Variants in ZDHHC21 observed in about 807,000 individuals in gnomAD.
The protein encoded by ZDHHC21 is palmitoyltransferase ZDHHC21.
In ZDHHC21, 15 loss-of-function variants were observed where a neutral mutation model predicts 34.6. The observed-to-expected ratio is 0.43, with a 90% CI of 0.29 to 0.67. ZDHHC21 has a LOEUF of 0.67. ZDHHC21 is among the 30% of genes least tolerant of loss of function. The probability of loss-of-function intolerance (pLI) is 0.14; values close to 1 mark genes in which losing one functional copy is unlikely to be tolerated. For synonymous variants in ZDHHC21, 142 were observed against 101.8 expected (o/e 1.40, Z -2.38); for missense variants, 344 against 327.7 (o/e 1.05, Z -0.38).
chr9:14,685,058 T>C (rs961603725), intron 2 of ZDHHC21, among the ~76,000 whole-genome samples: 9 of 152,062 alleles, frequency 5.9e-5, no homozygotes, highest in African/African-American at 9.7e-5. Context: ...TAATTCAAGA[T>C]GGATTAAAGA....
chr9:14,618,917 T>C lies in ZDHHC21; in HGVS notation c.*49A>G, dbSNP rs753334774. ...CATAGTTCTATTATCATAAAACCTG[T>C]AACGCATTGCCAGCATGGAGGACCC... is the stretch of plus-strand genomic sequence containing the variant. On this transcript the variant is annotated 3_prime_UTR_variant, in exon 10 of 10. Transcript: ENST00000380916. 1 of 1,523,912 alleles carries C rather than the reference T, an allele frequency of 6.6e-7. No individual in the cohort carries two copies. The highest frequency in any genetic ancestry group is 2.1e-5 in the Admixed American group (1 of 47,940). 94.4% of individuals were successfully genotyped at this position (1,523,912 alleles called of 1,614,324 possible). A position where few individuals can be genotyped will look rare whatever the true frequency, so the allele number is the denominator to read the frequency against.
At chr9:14,594,019 G>C in the ZDHHC21 span, 1 of 152,114 alleles carries the variant, frequency 6.6e-6, no homozygotes. Context: ...CAGTAATCGA[G>C]GAACCCACAG....
At chr9:14,638,925 T>C (rs1446239009) in intron 8 of ZDHHC21, among the ~76,000 whole-genome samples, 1 of 151,872 alleles carries the variant, frequency 6.6e-6, no homozygotes, top group Non-Finnish European at 1.5e-5. Context: ...ATTAGCCTAA[T>C]CACTAAGGAA....
intron 8 of ZDHHC21, among the ~76,000 whole-genome samples, chr9:14,633,141 C>T (rs1385577673): frequency 6.6e-6 from 1 of 152,182 alleles, no homozygotes. Context: ...ACAACTGGTA[C>T]TCACCTCCTT....
chr9:14,625,518 T>C (rs540646406), intron 8 of ZDHHC21, among the ~76,000 whole-genome samples: 3 of 152,130 alleles, frequency 2.0e-5, no homozygotes, highest in South Asian at 2.1e-4. Flanking sequence ...TAAAACTCTA[T>C]ACCTCCATTT....
chr9:14,594,889 G>A, the ZDHHC21 span, among the ~76,000 whole-genome samples: 1 of 152,076 alleles, frequency 6.6e-6, no homozygotes, highest in African/African-American at 2.4e-5. Flanking sequence ...TATCAGAGAA[G>A]ATATCCAAAT....
intron 9 of ZDHHC21, 71 bp from the exon 10 acceptor site, chr9:14,619,169 G>C: frequency 6.7e-7 from 1 of 1,491,096 alleles, no homozygotes; most frequent in African/African-American, 1.4e-5. Flanking sequence ...AAACAATACA[G>C]ATTGGCTGGG....
At chr9:14,603,386 G>T in the ZDHHC21 span, among the ~76,000 whole-genome samples, 1,127 of 152,140 alleles carry the variant, frequency 7.4e-3, 24 homozygotes, top group African/African-American at 0.026. Flanking sequence ...AAATCCTCCT[G>T]AAATTTTTAA....
At chr9:14,642,526 A>G (rs1829544933) in intron 7 of ZDHHC21, among the ~76,000 whole-genome samples, 1 of 152,230 alleles carries the variant, frequency 6.6e-6, no homozygotes, top group African/African-American at 2.4e-5. Context: ...AGTTGGAGAC[A>G]AAGCCTTTAA....
intron 8 of ZDHHC21, among the ~76,000 whole-genome samples, chr9:14,624,967 A>G (rs963135724): frequency 2.0e-5 from 3 of 152,102 alleles, no homozygotes; most frequent in African/African-American, 7.2e-5. Flanking sequence ...AACACTACTC[A>G]GGCAAGTTTT....
rs553840379 is a variant in ZDHHC21 at position 14,624,048 on chromosome 9, T to C, written c.622-4366A>G. Among the ~76,000 whole-genome samples, 4 of 152,092 alleles carry C rather than the reference T, an allele frequency of 2.6e-5. 1 individual carries two copies. The highest frequency in any genetic ancestry group is 7.2e-5 in the African/African-American group (3 of 41,452). ...CAGCCCTCCATATTTGTGGGTTCTGTAGCTGTGATTCAATCAACCATGGAT... is the reference window on the plus strand; with the variant it reads ...CAGCCCTCCATATTTGTGGGTTCTGCAGCTGTGATTCAATCAACCATGGAT... On this transcript the variant is annotated intron_variant, in intron 8 of 9. Transcript: ENST00000380916.
At chr9:14,591,709 A>G in the ZDHHC21 span, among the ~76,000 whole-genome samples, 1 of 152,130 alleles carries the variant, frequency 6.6e-6, no homozygotes, top group African/African-American at 2.4e-5. Flanking sequence ...CATCATGAAA[A>G]CTACAAGAAA....
intron 7 of ZDHHC21, among the ~76,000 whole-genome samples, chr9:14,649,994 T>C (rs1253155043): frequency 6.6e-6 from 1 of 152,064 alleles, no homozygotes; most frequent in Non-Finnish European, 1.5e-5. Flanking sequence ...GTAACAGTTT[T>C]ACAGAGAAAT....
intron 8 of ZDHHC21, among the ~76,000 whole-genome samples, chr9:14,624,581 G>A (rs545659488): frequency 2.6e-5 from 4 of 152,060 alleles, no homozygotes; most frequent in African/African-American, 9.7e-5. Flanking sequence ...CTCATATGCA[G>A]AATCTTAAAA....
At chr9:14,633,011 T>A (rs752063779) in intron 8 of ZDHHC21, among the ~76,000 whole-genome samples, 37 of 152,334 alleles carry the variant, frequency 2.4e-4, no homozygotes, top group Non-Finnish European at 4.1e-4. Context: ...GTGGCAGTTC[T>A]TTAAAAGATA....
intron 7 of ZDHHC21, among the ~76,000 whole-genome samples, chr9:14,644,920 G>T (rs561385218): frequency 5.3e-5 from 8 of 151,704 alleles, no homozygotes; most frequent in African/African-American, 1.9e-4. Context: ...CAAACACAAA[G>T]AATACCATGA....
chr9:14,605,984 A>G, the ZDHHC21 span, among the ~76,000 whole-genome samples: 4 of 152,242 alleles, frequency 2.6e-5, no homozygotes, highest in East Asian at 7.7e-4. Context: ...ATAGTTAAAA[A>G]AACAAAAATA....
At chr9:14,636,787 G>C (rs535672331) in intron 8 of ZDHHC21, among the ~76,000 whole-genome samples, 1 of 152,172 alleles carries the variant, frequency 6.6e-6, no homozygotes, top group East Asian at 1.9e-4. Flanking sequence ...TGGAAATTAA[G>C]CAACGTGGTT....
chr9:14,632,415 A>G (rs923490129), intron 8 of ZDHHC21, among the ~76,000 whole-genome samples: 4 of 152,020 alleles, frequency 2.6e-5, no homozygotes, highest in African/African-American at 7.2e-5. Context: ...ATAAAGATGG[A>G]CCCCTACTTC....
Sources: allele counts gnomAD v4.1 joint callset (sites outside exome capture counted in the v4.1 genomes callset), GRCh38; gene constraint gnomAD v4.1.1; transcripts MANE v1.5; gene names NCBI Gene and HGNC (gene_info 2026-07-23, HGNC 2026-07-21).